The following TOM1L2 variants were observed in gnomAD, a reference collection of about 807,000 sequenced individuals.
TOM1L2 encodes the protein TOM1-like protein 2.
Under a neutral mutation model 67.9 loss-of-function variants are expected in TOM1L2, and 31 were observed. The ratio of observed to expected loss-of-function variants is 0.46; its 90% CI spans 0.34 to 0.62. The LOEUF is 0.62. TOM1L2 is among the 20% of genes least tolerant of loss of function. The probability of loss-of-function intolerance (pLI) is 0.01; values close to 1 mark genes in which losing one functional copy is unlikely to be tolerated. For missense variants in TOM1L2, 606 were observed against 663.5 expected (o/e 0.91, Z 0.95); for synonymous variants, 256 against 254.0 (o/e 1.01, Z -0.07).
chr17:17,955,563 T>C (rs970161303), intron 1 of TOM1L2, among the ~76,000 whole-genome samples: 8 of 152,190 alleles, frequency 5.3e-5, no homozygotes, highest in Admixed American at 1.3e-4. Context: ...ACAGTCTTGA[T>C]CTCCTGACCT....
In TOM1L2 at chr17:17,874,244, A is replaced by G. The variant is rs184532928; in HGVS notation, c.778-4771T>C. Among the ~76,000 whole-genome samples, 1,092 of 151,592 alleles carry G rather than the reference A, an allele frequency of 7.2e-3. 9 individuals are homozygous for G. Among genetic ancestry groups the G allele is most frequent in the Non-Finnish European group, 0.012 (818 of 67,868 alleles). ...GCTGGGATTACAGGCGTGAGCCACCACGCCCAGCCATTACTTATTTATTTA... is the reference window on the plus strand; with the variant it reads ...GCTGGGATTACAGGCGTGAGCCACCGCGCCCAGCCATTACTTATTTATTTA... On this transcript the variant is annotated intron_variant, in intron 7 of 14. Transcript: ENST00000379504.
chr17:17,945,271 C>G (rs1441388550), intron 1 of TOM1L2, among the ~76,000 whole-genome samples: 1 of 133,266 alleles, frequency 7.5e-6, no homozygotes, highest in East Asian at 2.4e-4. Flanking sequence ...CACACATACA[C>G]ACACACACAC....
At chr17:17,938,130 G>A (rs931316809) in intron 1 of TOM1L2, among the ~76,000 whole-genome samples, 4 of 152,162 alleles carry the variant, frequency 2.6e-5, no homozygotes, top group Non-Finnish European at 4.4e-5. Context: ...GAAGAGGAGA[G>A]GACCCAGGAC....
At chr17:17,938,815 G>A (rs936488281) in intron 1 of TOM1L2, among the ~76,000 whole-genome samples, 6 of 147,724 alleles carry the variant, frequency 4.1e-5, no homozygotes, top group African/African-American at 1.5e-4. Context: ...TAAAGTGACC[G>A]CCCCACCTTG....
chr17:17,963,270 T>C (rs2041761125), intron 1 of TOM1L2, among the ~76,000 whole-genome samples: 1 of 152,196 alleles, frequency 6.6e-6, no homozygotes, highest in Non-Finnish European at 1.5e-5. Flanking sequence ...GAGTGCTAAG[T>C]GCTGGAAGAG....
rs762750960 is a variant in TOM1L2 at position 17,866,911 on chromosome 17, T to C, written c.925A>G (p.Arg309Gly). Residue 309 changes from arginine to glycine, a missense_variant, in exon 9 of 15, where the codon AGG becomes GGG. This residue lies in a region of TOM1L2 where 543 missense variants were observed against 554.0 expected (regional missense o/e 0.98). Coordinates refer to ENST00000379504, the MANE Select transcript of TOM1L2 (RefSeq NM_001082968.2). ...GCATTTTGAACGGATCGGCCAGACC[T>C]GTATCGTTCGAACCTAACAGGGGAA... ...FLRYERFERY[R>G]SGRSVQNASN... 3.1e-6 allele frequency: 5 copies of C among 1,613,960 alleles called. No homozygotes were observed. Among genetic ancestry groups the C allele is most frequent in the South Asian group, 1.1e-5 (1 of 91,088 alleles).
intron 3 of TOM1L2, among the ~76,000 whole-genome samples, chr17:17,895,288 C>G (rs541419533): frequency 6.6e-6 from 1 of 152,310 alleles, no homozygotes; most frequent in South Asian, 2.1e-4. Context: ...AACGATGTCA[C>G]CAGCAACAGG....
At chr17:17,854,699 T>G (rs2036172489) in intron 12 of TOM1L2, among the ~76,000 whole-genome samples, 1 of 151,560 alleles carries the variant, frequency 6.6e-6, no homozygotes, top group South Asian at 2.1e-4. Context: ...TAATTTTTTT[T>G]TTTTTTGTAT....
At chr17:17,861,626 A>C in intron 11 of TOM1L2, 75 bp from the exon 12 acceptor site, 1 of 1,288,194 alleles carries the variant, frequency 7.8e-7, no homozygotes, top group Non-Finnish European at 1.1e-6. Flanking sequence ...AGTGGCCTGT[A>C]ATCACTTCTA....
intron 1 of TOM1L2, among the ~76,000 whole-genome samples, chr17:17,940,543 G>A (rs1016950979): frequency 6.6e-6 from 1 of 152,188 alleles, no homozygotes; most frequent in African/African-American, 2.4e-5. Context: ...GCATGGAGAA[G>A]TCAGGCTTTC....
intron 1 of TOM1L2, among the ~76,000 whole-genome samples, chr17:17,926,513 T>C (rs1385736669): frequency 6.6e-6 from 1 of 152,010 alleles, no homozygotes; most frequent in Non-Finnish European, 1.5e-5. Context: ...TTCATCAACA[T>C]AGAAAGGTCA....
At position 17,893,728 on chromosome 17, in the gene TOM1L2, A is replaced by T; in HGVS notation, c.299T>A (p.Val100Asp). The T allele has an allele frequency of 6.2e-7, 1 of 1,614,004 alleles. No individual in the cohort carries two copies. The highest frequency in any genetic ancestry group is 8.5e-7 in the Non-Finnish European group (1 of 1,179,984). The change falls in exon 4 of 15, where the codon GTC becomes GAC. Residue 100 changes from valine to aspartate, a missense_variant. Physicochemically the swap from Val to Asp is radical, Grantham distance 152. Coordinates refer to ENST00000379504, the MANE Select transcript of TOM1L2 (RefSeq NM_001082968.2). ...GTTGTTCTTGGGAGATATAATTTTG[A>T]CCAGAACACTGTCGATGAAATCTCG... ...ANRDFIDSVL[V>D]KIISPKNNPP...
chr17:17,955,501 G>A lies in TOM1L2; in HGVS notation c.52+16761C>T, dbSNP rs952466259. ...TTACAGGCACACGCCACCAAGCCCA[G>A]ATAAATTTTTTGTATTTTTAGCAGA... On this transcript the variant is annotated intron_variant, in intron 1 of 14. Transcript: ENST00000379504. Among the ~76,000 whole-genome samples, 2 of 152,080 alleles carry A rather than the reference G, an allele frequency of 1.3e-5. 1 individual carries two copies. Among genetic ancestry groups the A allele is most frequent in the South Asian group, 4.2e-4 (2 of 4,816 alleles).
At chr17:17,871,254 C>T (rs9908299) in intron 7 of TOM1L2, among the ~76,000 whole-genome samples, 71,450 of 151,902 alleles carry the variant, frequency 0.47, 19,066 homozygotes, top group Non-Finnish European at 0.63. Context: ...ACCTGTAGTC[C>T]CAGCTACTTG....
In TOM1L2 at chr17:17,898,608, C is replaced by T. The variant is rs2038692855; in HGVS notation, c.204G>A (p.Met68Ile). The T allele has an allele frequency of 2.5e-6, 4 of 1,614,240 alleles. No individual in the cohort carries two copies. The highest frequency in any genetic ancestry group is 3.4e-6 in the Non-Finnish European group (4 of 1,180,040). ...LNGNRNYREV[M>I]LALTVLETCV... Reference sequence around the variant, plus strand: ...GAATAGCACTCACTGTTAATGCCAGCATCACCTCTCTGTAGTTCCGGTTCC... The same window carrying T: ...GAATAGCACTCACTGTTAATGCCAGTATCACCTCTCTGTAGTTCCGGTTCC... The change falls in exon 3 of 15, where the codon ATG becomes ATA. Residue 68 changes from methionine to isoleucine, a missense_variant. Coordinates refer to ENST00000379504, the MANE Select transcript of TOM1L2 (RefSeq NM_001082968.2).
At chr17:17,923,951 C>A (rs912782236) in intron 1 of TOM1L2, among the ~76,000 whole-genome samples, 2 of 151,960 alleles carry the variant, frequency 1.3e-5, no homozygotes, top group African/African-American at 4.8e-5. Flanking sequence ...GCCTGGCCAA[C>A]ATGGTGAAAC....
chr17:17,954,092 C>G (rs2041324497), intron 1 of TOM1L2, among the ~76,000 whole-genome samples: 1 of 152,198 alleles, frequency 6.6e-6, no homozygotes, highest in Admixed American at 6.5e-5. Flanking sequence ...TCTGGGCCAG[C>G]TTTGTGGCAG....
At chr17:17,958,648 G>A (rs2041565141) in intron 1 of TOM1L2, among the ~76,000 whole-genome samples, 1 of 152,140 alleles carries the variant, frequency 6.6e-6, no homozygotes, top group Admixed American at 6.5e-5. Flanking sequence ...GAGTCACTGT[G>A]GGACCTTGGC....
chr17:17,859,490 T>TGTAGACACAC (rs1182195148), intron 12 of TOM1L2: 13 of 152,258 alleles, frequency 8.5e-5, no homozygotes, highest in Non-Finnish European at 1.5e-5. Flanking sequence ...CAAGAATATG[T>TGTAGACACAC]GTAGACACAC....
Sources: gnomAD v4.1 joint callset for allele counts (sites outside exome capture counted in the v4.1 genomes callset) on GRCh38, gnomAD v4.1.1 for gene constraint, gnomAD v4.1.1 regional missense constraint, MANE v1.5 for transcripts, NCBI Gene and HGNC (gene_info 2026-07-23, HGNC 2026-07-21) for gene names.